Variants in C2CD2 observed in about 807,000 individuals in gnomAD.
C2CD2 encodes the protein C2 domain-containing protein 2.
A neutral mutation model predicts 74.3 loss-of-function variants in C2CD2; 43 were observed. The observed-to-expected ratio is 0.58, with a 90% CI of 0.45 to 0.75. The LOEUF (loss-of-function observed/expected upper bound fraction) is 0.75. Ranked by LOEUF, C2CD2 falls within the 30% of genes least tolerant of loss-of-function variation. C2CD2 has a pLI of 0.00. For synonymous variants in C2CD2, 422 were observed against 390.7 expected, an observed-to-expected ratio of 1.08 and a Z score of -0.94; for missense variants, 801 against 916.3, an observed-to-expected ratio of 0.87 and a Z score of 1.63.
intron 13 of C2CD2, among the ~76,000 whole-genome samples, chr21:41,891,023 ACAACCAAAT>A (rs1601539721): frequency 6.6e-6 from 1 of 152,250 alleles, no homozygotes; most frequent in East Asian, 1.9e-4. Flanking sequence ...CTCTCTCAAC[ACAACCAAAT>A]CACTTTTTAT....
chr21:41,911,254 T>C (rs2146176456), intron 7 of C2CD2, among the ~76,000 whole-genome samples: 1 of 152,300 alleles, frequency 6.6e-6, no homozygotes, highest in African/African-American at 2.4e-5. Context: ...AAAGCACACA[T>C]ACATCCTTAC....
chr21:41,910,121 G>A (rs183076757), intron 7 of C2CD2, among the ~76,000 whole-genome samples: 88 of 152,000 alleles, frequency 5.8e-4, no homozygotes, highest in African/African-American at 2.0e-3. Context: ...GGTGTGAGCC[G>A]CCGCGCCCAG....
chr21:41,910,458 T>TA (rs1355383225), intron 7 of C2CD2, among the ~76,000 whole-genome samples: 2 of 152,194 alleles, frequency 1.3e-5, no homozygotes, highest in African/African-American at 4.8e-5. Context: ...CCAGAATGCT[T>TA]ATTCCCAGTG....
At chr21:41,901,839 A>T in intron 11 of C2CD2, 90 bp from the exon 12 acceptor site, 1 of 1,166,892 alleles carries the variant, frequency 8.6e-7, no homozygotes, top group Non-Finnish European at 1.3e-6. Flanking sequence ...GTCGATAAGC[A>T]ATGGTTAGCA....
Position 41,953,465 on chromosome 21 carries a change from C to A in C2CD2, c.184G>T (p.Ala62Ser). 1 of 1,485,982 alleles carries A rather than the reference C, an allele frequency of 6.7e-7. No individual in the cohort carries two copies. The highest frequency in any genetic ancestry group is 9.0e-7 in the Non-Finnish European group (1 of 1,115,016). 92.0% of individuals were successfully genotyped at this position (1,485,982 alleles called of 1,614,324 possible). ...AGCGTCAGGATCCAGGAGAGCAGCGCGTCGGACCCCGGGCGCGGCCCCTCT... is the reference window on the plus strand; with the variant it reads ...AGCGTCAGGATCCAGGAGAGCAGCGAGTCGGACCCCGGGCGCGGCCCCTCT... ...PGEGPRPGSD[A>S]LLSWILTLGS... The change falls in exon 1 of 14, where the codon GCG becomes TCG. Residue 62 changes from alanine (A) to serine (S), a missense_variant. Ala to Ser is a moderately conservative substitution (Grantham distance 99, BLOSUM62 1). Transcript: ENST00000380486.
rs74539267 is a variant in C2CD2 at position 41,903,816 on chromosome 21, G to C, written c.1432+1908C>G. Among the ~76,000 whole-genome samples the C allele has an allele frequency of 3.1e-3, 471 of 152,260 alleles. 6 individuals carry two copies. Among genetic ancestry groups the C allele is most frequent in the African/African-American group, 0.011 (455 of 41,550 alleles). On this transcript the variant is annotated intron_variant, in intron 11 of 13. Transcript: ENST00000380486. The surrounding 1 kb of genome is among the most constrained non-coding windows in gnomAD (Gnocchi z 4.5). ...GACCATGCATCAGAACCCACAGTGG[G>C]AACATCAGCCTAGGTCTTTTAAGAG...
chr21:41,920,468 A>T (rs914390908), intron 3 of C2CD2, among the ~76,000 whole-genome samples: 1 of 152,246 alleles, frequency 6.6e-6, no homozygotes, highest in Non-Finnish European at 1.5e-5. Context: ...GTAAGAGAAA[A>T]ACGATGACTT....
chr21:41,904,433 G>A (rs1051350138), intron 11 of C2CD2, among the ~76,000 whole-genome samples: 16 of 152,202 alleles, frequency 1.1e-4, no homozygotes, highest in Non-Finnish European at 1.2e-4. Flanking sequence ...TGCCTACAGA[G>A]TAGCCATTCT....
At chr21:41,912,643 T>A (rs1190548359) in intron 6 of C2CD2, among the ~76,000 whole-genome samples, 2 of 152,046 alleles carry the variant, frequency 1.3e-5, no homozygotes, top group Non-Finnish European at 2.9e-5. Context: ...GGCGCACGCC[T>A]CCACGCTCAG....
At chr21:41,918,014 G>C (rs1482710550) in intron 5 of C2CD2, 91 bp downstream of exon 5, 2 of 1,466,348 alleles carry the variant, frequency 1.4e-6, no homozygotes, top group African/African-American at 2.8e-5. Context: ...GGAGGTGGAG[G>C]AACGCTGGAA....
At chr21:41,909,339 C>G in intron 8 of C2CD2, 120 bp downstream of exon 8, 1 of 647,904 alleles carries the variant, frequency 1.5e-6, no homozygotes, top group Non-Finnish European at 2.8e-6. Context: ...AAACCAAAGT[C>G]ATTTAGAGGA....
At chr21:41,932,644 T>TGGTGTCCAAA (rs1041336071) in intron 2 of C2CD2, among the ~76,000 whole-genome samples, 8 of 150,562 alleles carry the variant, frequency 5.3e-5, no homozygotes, top group African/African-American at 1.5e-4. Context: ...CCCACACATT[T>TGGTGTCCAAA]GGTGTCCAAA....
chr21:41,912,832 A>G (rs1048034993), intron 6 of C2CD2, among the ~76,000 whole-genome samples: 6 of 145,978 alleles, frequency 4.1e-5, no homozygotes, highest in Non-Finnish European at 7.4e-5. Context: ...GTATGCATAG[A>G]AAAAAAAGGC....
intron 12 of C2CD2, among the ~76,000 whole-genome samples, chr21:41,900,209 G>A (rs1329775655): frequency 6.6e-6 from 1 of 152,182 alleles, no homozygotes; most frequent in Non-Finnish European, 1.5e-5. Context: ...GGGAGGCGGA[G>A]CTTGCAGTGA....
At chr21:41,942,780 CA>C (rs2065366020) in intron 1 of C2CD2, 1 of 159,234 alleles carries the variant, frequency 6.3e-6, no homozygotes, top group African/African-American at 2.4e-5. Context: ...TCCTACCCCC[CA>C]GGGGCTGGCC....
chr21:41,909,370 G>T, intron 8 of C2CD2, 89 bp downstream of exon 8: 1 of 858,674 alleles, frequency 1.2e-6, no homozygotes, highest in Non-Finnish European at 2.0e-6. Flanking sequence ...TCCTCTGCTG[G>T]ATCTCCCACC....
In C2CD2 at chr21:41,907,017, C is replaced by G; in HGVS notation, c.1293G>C (p.Val431=). The change falls in exon 10 of 14, where the codon GTG becomes GTC. Residue 431 remains valine (V), a synonymous_variant. Transcript: ENST00000380486. ...TAVKTKPRVD[V]GRASPLSSDS... is the part of the protein sequence containing the mutation. ...CAGAGCTCAGCGGGGACGCCCTCCC[C>G]ACGTCGACGCGAGGCTTGGTCTTCA... 1 of 1,614,014 alleles carries G rather than the reference C, an allele frequency of 6.2e-7. No individual in the cohort carries two copies. Among genetic ancestry groups the G allele is most frequent in the South Asian group, 1.1e-5 (1 of 91,074 alleles).
At chr21:41,948,870 CTTTTT>C (rs967927171) in intron 1 of C2CD2, among the ~76,000 whole-genome samples, 18 of 80,688 alleles carry the variant, frequency 2.2e-4, no homozygotes, top group African/African-American at 7.8e-4. Flanking sequence ...CACACAGCAT[CTTTTT>C]TTTTTTTTTT....
chr21:41,944,358 C>A (rs1415014506), intron 1 of C2CD2, among the ~76,000 whole-genome samples: 5 of 151,548 alleles, frequency 3.3e-5, no homozygotes, highest in Admixed American at 1.3e-4. Context: ...TAAAAATACA[C>A]ACACACAAAA....
Sources: allele counts gnomAD v4.1 joint callset (sites outside exome capture counted in the v4.1 genomes callset), GRCh38; gene constraint gnomAD v4.1.1; non-coding constraint Gnocchi (gnomAD v3.1); transcripts MANE v1.5; gene names NCBI Gene and HGNC (gene_info 2026-07-23, HGNC 2026-07-21).